ATP6V0C: variants seen among roughly 807,000 people sequenced by gnomAD.
ATP6V0C encodes ATPase H+ transporting V0 subunit c, also known as V-type proton ATPase 16 kDa proteolipid subunit c.
ATP6V0C carries 2 observed loss-of-function variants against 10.6 expected under a neutral mutation model. The observed-to-expected ratio is 0.19, with a 90% CI of 0.08 to 0.59. ATP6V0C has a LOEUF of 0.59. ATP6V0C is among the 20% of genes least tolerant of loss of function. ATP6V0C has a pLI of 0.90. For missense variants in ATP6V0C, 89 were observed against 225.9 expected, an observed-to-expected ratio of 0.39 and a Z score of 3.88; for synonymous variants, 128 against 101.3, an observed-to-expected ratio of 1.26 and a Z score of -1.59.
intron 1 of ATP6V0C, among the ~76,000 whole-genome samples, chr16:2,518,582 T>C (rs2065889330): frequency 6.6e-6 from 1 of 152,230 alleles, no homozygotes; most frequent in Non-Finnish European, 1.5e-5. Context: ...CTGTCAAGGG[T>C]TCAGGCCTGC....
intron 1 of ATP6V0C, among the ~76,000 whole-genome samples, chr16:2,515,337 C>T (rs1273647675): frequency 1.3e-5 from 2 of 152,182 alleles, no homozygotes; most frequent in South Asian, 2.1e-4. Context: ...CTTTGATGAC[C>T]GTGCCCTGCC....
chr16:2,516,039 C>T (rs1213568603), intron 1 of ATP6V0C, among the ~76,000 whole-genome samples: 2 of 151,306 alleles, frequency 1.3e-5, no homozygotes, highest in African/African-American at 4.9e-5. Flanking sequence ...ATAAACGTGG[C>T]TTACTGTGGC....
rs751174146 is a variant in ATP6V0C, at chr16:2,519,700, C to T, written c.423C>T (p.Leu141=). 3.1e-5 allele frequency: 50 copies of T among 1,611,402 alleles called. No individual in the cohort carries two copies. Among genetic ancestry groups the T allele is most frequent in the South Asian group, 6.6e-5 (6 of 90,980 alleles). Residue 141 remains leucine, a synonymous_variant, in exon 3 of 3, where the codon CTC becomes CTT. Coordinates refer to ENST00000330398, the MANE Select transcript of ATP6V0C (RefSeq NM_001694.4). ...MILILIFAEV[L]GLYGLIVALI... Reference sequence around the variant, plus strand: ...TGATTCTCATCTTCGCCGAGGTGCTCGGCCTCTACGGTCTCATCGTCGCCC... The same window carrying T: ...TGATTCTCATCTTCGCCGAGGTGCTTGGCCTCTACGGTCTCATCGTCGCCC...
chr16:2,520,005 T>C lies in ATP6V0C; in HGVS notation c.*260T>C. The C allele has an allele frequency of 1.4e-6, 1 of 689,800 alleles. No individual in the cohort carries two copies. The highest frequency in any genetic ancestry group is 2.6e-6 in the Non-Finnish European group (1 of 378,718). The allele number at this position is 689,800 out of a possible 1,614,324, so 42.7% of individuals were successfully genotyped here. ...GAGTGCTCTGTGTATGCGGATGATT[T>C]AGAATTGTCATTTCTCTTTACTGGA... On this transcript the variant is annotated 3_prime_UTR_variant, in exon 3 of 3. Transcript: ENST00000330398.
At chr16:2,517,051 C>T (rs1406017125) in intron 1 of ATP6V0C, 6 of 152,514 alleles carry the variant, frequency 3.9e-5, no homozygotes, top group Non-Finnish European at 5.9e-5. Context: ...GGGTCCACTA[C>T]TTGGGTTGCT....
At chr16:2,519,050 G>A (rs1224744771) in intron 1 of ATP6V0C, 168 bp from the exon 2 acceptor site, 5 of 721,824 alleles carry the variant, frequency 6.9e-6, no homozygotes, top group Non-Finnish European at 1.1e-5. Flanking sequence ...CTTGCCCGTG[G>A]CTGTTCCTCC....
rs2065865100 is a variant in ATP6V0C at position 2,514,202 on chromosome 16, G to A, written c.79+20G>A. ...TCAGCGGTGAGCGCGGCGGCGGGAG[G>A]GACTCGGGGGCGGGGGCGCGCGCGT... On this transcript the variant is annotated intron_variant, in intron 1 of 2. Coordinates refer to ENST00000330398, the MANE Select transcript of ATP6V0C (RefSeq NM_001694.4). 2.0e-6 allele frequency: 3 copies of A among 1,534,788 alleles called. No homozygotes were observed. Among genetic ancestry groups the A allele is most frequent in the Non-Finnish European group, 2.6e-6 (3 of 1,140,290 alleles).
Position 2,514,028 on chromosome 16 carries a change from C to G in ATP6V0C, c.-76C>G. 7.2e-7 allele frequency: 1 copy of G among 1,382,802 alleles called. No individual in the cohort carries two copies. Among genetic ancestry groups the G allele is most frequent in the Non-Finnish European group, 9.8e-7 (1 of 1,015,318 alleles). 85.7% of individuals were successfully genotyped at this position (1,382,802 alleles called of 1,614,324 possible). A position where few individuals can be genotyped will look rare whatever the true frequency, so the allele number is the denominator to read the frequency against. On this transcript the variant is annotated 5_prime_UTR_variant, in exon 1 of 3. Coordinates refer to ENST00000330398, the MANE Select transcript of ATP6V0C (RefSeq NM_001694.4). ...TCGCCGCCGCCCGCCCGCAAACCTT[C>G]GTGCCCGGCCCGTCCTCGCCCCCGC...
Position 2,514,068 on chromosome 16 carries a change from C to T in ATP6V0C, c.-36C>T, listed in dbSNP as rs2065864145. On this transcript the variant is annotated 5_prime_UTR_variant, in exon 1 of 3. Coordinates refer to ENST00000330398, the MANE Select transcript of ATP6V0C (RefSeq NM_001694.4). ...CTCGCCCCCGCCTCCGCCACCGCCTCGGCCCGCAGAGCTTGCCCCCTCCCC... is the reference window on the plus strand; with the variant it reads ...CTCGCCCCCGCCTCCGCCACCGCCTTGGCCCGCAGAGCTTGCCCCCTCCCC... The T allele has an allele frequency of 6.5e-7, 1 of 1,537,752 alleles. No individual in the cohort carries two copies. The highest frequency in any genetic ancestry group is 8.8e-7 in the Non-Finnish European group (1 of 1,140,520).
Position 2,518,794 on chromosome 16 carries a change from A to G in ATP6V0C, c.80-424A>G, listed in dbSNP as rs143501486. 8.0e-3 allele frequency among the ~76,000 whole-genome samples: 1,211 copies of G among 152,214 alleles called. 9 individuals carry two copies. Among genetic ancestry groups the G allele is most frequent in the Admixed American group, 0.012 (190 of 15,294 alleles). On this transcript the variant is annotated intron_variant, in intron 1 of 2. Coordinates refer to ENST00000330398, the MANE Select transcript of ATP6V0C (RefSeq NM_001694.4). ...TAGCAGTGGCTTTGCCATCCCCAAG[A>G]CCTTTGGTGGCTTTTCCAGCATGTT... is the stretch of plus-strand genomic sequence containing the variant.
chr16:2,515,840 C>T (rs1419182698), intron 1 of ATP6V0C, among the ~76,000 whole-genome samples: 2 of 152,216 alleles, frequency 1.3e-5, no homozygotes, highest in Non-Finnish European at 2.9e-5. Flanking sequence ...AACTTAAATT[C>T]TAGCTGTTGC....
rs1316842189 is a variant in ATP6V0C, at chr16:2,520,184, C to A, written c.*439C>A. ...CCTCACCGCCGGGCCCGTGGCCCTG[C>A]GCGGAGCTGTGTCCAATAAAGTTCT... On this transcript the variant is annotated 3_prime_UTR_variant, in exon 3 of 3. Transcript: ENST00000330398. The A allele has an allele frequency of 1.2e-5, 6 of 507,998 alleles. No homozygotes were observed. Among genetic ancestry groups the A allele is most frequent in the Non-Finnish European group, 2.2e-5 (6 of 277,016 alleles). The allele number at this position is 507,998 out of a possible 1,614,324, so 31.5% of individuals were successfully genotyped here.
intron 1 of ATP6V0C, chr16:2,518,971 A>C: frequency 2.1e-6 from 1 of 477,930 alleles, no homozygotes; most frequent in African/African-American, 2.0e-5. Flanking sequence ...CTGCTGGAGG[A>C]AGAGCTGGAC....
At chr16:2,519,114 A>G (rs1179650644) in intron 1 of ATP6V0C, 104 bp from the exon 2 acceptor site, 11 of 1,312,538 alleles carry the variant, frequency 8.4e-6, no homozygotes, top group Middle Eastern at 2.3e-4. Context: ...TCTGCATGTG[A>G]TAACTTGGGG....
intron 1 of ATP6V0C, chr16:2,517,203 G>A (rs1009889372): frequency 7.2e-5 from 11 of 152,342 alleles, no homozygotes; most frequent in African/African-American, 1.7e-4. Flanking sequence ...GCTTGCCAGG[G>A]AAAAAATGCA....
At position 2,519,204 on chromosome 16, in the gene ATP6V0C, C is replaced by T. The variant is rs762019874; in HGVS notation, c.80-14C>T. The stretch of plus-strand genomic sequence containing the variant: ...TGCGTACTGCTGTGGGCTCACCCCG[C>T]CTTCCTCCCACAGCCCTGGGCGCTG... On this transcript the variant is annotated splice_polypyrimidine_tract_variant and intron_variant, in intron 1 of 2. Coordinates refer to ENST00000330398, the MANE Select transcript of ATP6V0C (RefSeq NM_001694.4). 13 of 1,602,676 alleles carry T rather than the reference C, an allele frequency of 8.1e-6. No individual in the cohort carries two copies. The highest frequency in any genetic ancestry group is 6.8e-5 in the Admixed American group (4 of 59,250).
chr16:2,515,010 T>C (rs533998321), intron 1 of ATP6V0C, among the ~76,000 whole-genome samples: 1 of 152,018 alleles, frequency 6.6e-6, no homozygotes, highest in African/African-American at 2.4e-5. Flanking sequence ...AGGCTTCCAG[T>C]TGTGGTCCTA....
At chr16:2,514,509 G>A (rs1484440523) in intron 1 of ATP6V0C, 1 of 155,384 alleles carries the variant, frequency 6.4e-6, no homozygotes, top group African/African-American at 2.4e-5. Context: ...GAGGGAGGCT[G>A]GGGTGGGGGC....
intron 1 of ATP6V0C, among the ~76,000 whole-genome samples, chr16:2,516,350 G>A (rs1281923720): frequency 1.3e-5 from 2 of 151,938 alleles, no homozygotes; most frequent in Admixed American, 6.6e-5. Context: ...TGCCTCAAAC[G>A]ATCCACCTGC....
Sources: gnomAD v4.1 joint callset for allele counts (sites outside exome capture counted in the v4.1 genomes callset) on GRCh38, gnomAD v4.1.1 for gene constraint, MANE v1.5 for transcripts, NCBI Gene and HGNC (gene_info 2026-07-23, HGNC 2026-07-21) for gene names.